The following C2orf69 variants were observed in gnomAD, a reference collection of about 807,000 sequenced individuals.
C2orf69 encodes mitochondrial protein C2orf69.
C2orf69 carries 19 observed loss-of-function variants against 29.5 expected under a neutral mutation model. The ratio of observed to expected loss-of-function variants is 0.65; its 90% CI spans 0.45 to 0.95. C2orf69 has a LOEUF of 0.95. Among genes scored for constraint, C2orf69 ranks in the 40% least tolerant of loss-of-function variants. The pLI is 0.00. For missense variants in C2orf69, 416 were observed against 482.1 expected, an observed-to-expected ratio of 0.86 and a Z score of 1.28; for synonymous variants, 194 against 180.0, an observed-to-expected ratio of 1.08 and a Z score of -0.62.
intron 1 of C2orf69, among the ~76,000 whole-genome samples, chr2:199,915,064 A>G (rs941242856): frequency 6.6e-6 from 1 of 152,204 alleles, no homozygotes; most frequent in Non-Finnish European, 1.5e-5. Flanking sequence ...ACTTGTATAA[A>G]TGAGTATTTT....
chr2:199,916,070 TAAAGG>T (rs1378673578), intron 1 of C2orf69, among the ~76,000 whole-genome samples: 2 of 152,172 alleles, frequency 1.3e-5, no homozygotes, highest in African/African-American at 2.4e-5. Flanking sequence ...GGGTAATTTA[TAAAGG>T]AAAGAGGTCT....
chr2:199,913,449 A>AC (rs1559292456), intron 1 of C2orf69, among the ~76,000 whole-genome samples: 24 of 100,848 alleles, frequency 2.4e-4, no homozygotes, highest in African/African-American at 9.4e-4. Context: ...TATAAAATAT[A>AC]TATTCTATTA....
chr2:199,917,644 T>C (rs2077298293), intron 1 of C2orf69, among the ~76,000 whole-genome samples: 1 of 152,186 alleles, frequency 6.6e-6, no homozygotes, highest in African/African-American at 2.4e-5. Context: ...TCCAAATCAC[T>C]ATCAGCATTT....
rs770710492 is a variant in C2orf69 at position 199,925,137 on chromosome 2, A to G, written c.409A>G (p.Ile137Val). 3.7e-6 allele frequency: 6 copies of G among 1,613,374 alleles called. No homozygotes were observed. Among genetic ancestry groups the G allele is most frequent in the African/African-American group, 2.7e-5 (2 of 75,022 alleles). ...ENWSLENVAT[I>V]LAHRFPNSYI... is the part of the protein sequence containing the mutation. ...CTGGAGTCTAGAAAATGTTGCTACCATTTTAGCCCACCGGTTCCCCAATAG... is the reference window on the plus strand; with the variant it reads ...CTGGAGTCTAGAAAATGTTGCTACCGTTTTAGCCCACCGGTTCCCCAATAG... The change falls in exon 2 of 2, where the codon ATT becomes GTT. Residue 137 changes from isoleucine to valine, a missense_variant. Ile to Val is a conservative substitution (Grantham distance 29, BLOSUM62 3). Around this residue, in one of 4 missense-constraint regions of C2orf69, gnomAD observed 225 missense variants for 307.3 expected, o/e 0.73. Coordinates refer to ENST00000319974, the MANE Select transcript of C2orf69 (RefSeq NM_153689.6). The surrounding 1 kb of genome is among the most constrained non-coding windows in gnomAD (Gnocchi z 4.9).
At chr2:199,915,269 C>T (rs1287919303) in intron 1 of C2orf69, among the ~76,000 whole-genome samples, 1 of 152,078 alleles carries the variant, frequency 6.6e-6, no homozygotes, top group Non-Finnish European at 1.5e-5. Context: ...TATAGACATT[C>T]TATTTTCTTT....
At chr2:199,920,072 C>G (rs1440797194) in intron 1 of C2orf69, among the ~76,000 whole-genome samples, 1 of 152,190 alleles carries the variant, frequency 6.6e-6, no homozygotes, top group Non-Finnish European at 1.5e-5. Context: ...CATGGCCTTT[C>G]ACCCCTTACC....
At chr2:199,922,426 T>C (rs1231450792) in intron 1 of C2orf69, among the ~76,000 whole-genome samples, 2 of 152,150 alleles carry the variant, frequency 1.3e-5, no homozygotes, top group Non-Finnish European at 2.9e-5. Context: ...AATGGTTGCA[T>C]AGTGTACTGG....
In C2orf69 at chr2:199,925,902, A is replaced by T. The variant is rs780368856; in HGVS notation, c.*16A>T. The T allele has an allele frequency of 2.0e-6, 3 of 1,534,770 alleles. No homozygotes were observed. Among genetic ancestry groups the T allele is most frequent in the Non-Finnish European group, 2.7e-6 (3 of 1,114,656 alleles). On this transcript the variant is annotated 3_prime_UTR_variant, in exon 2 of 2. Coordinates refer to ENST00000319974, the MANE Select transcript of C2orf69 (RefSeq NM_153689.6). This position sits in a 1 kb window ranked among gnomAD's most constrained non-coding sequence, Gnocchi z 4.9. Reference sequence around the variant, plus strand: ...AGTATTTTGAGATTACAGGTATATTAATGAACTTGTTCAGTGGAAGAACAT... The same window carrying T: ...AGTATTTTGAGATTACAGGTATATTTATGAACTTGTTCAGTGGAAGAACAT...
Position 199,919,076 on chromosome 2 carries a change from C to T in C2orf69, c.334-5986C>T, listed in dbSNP as rs373862972. On this transcript the variant is annotated intron_variant, in intron 1 of 1. Coordinates refer to ENST00000319974, the MANE Select transcript of C2orf69 (RefSeq NM_153689.6). ...AAGCGATCCTCCTACCTTAGCCTCT[C>T]AAGTAGCTGGGACTTACAGGCATGC... Among the ~76,000 whole-genome samples the T allele has an allele frequency of 2.5e-4, 38 of 152,252 alleles. No individual in the cohort carries two copies. The East Asian group carries it at 3.9e-3, about 16-fold the overall frequency.
intron 1 of C2orf69, among the ~76,000 whole-genome samples, chr2:199,920,673 T>G (rs1380985315): frequency 6.6e-6 from 1 of 151,940 alleles, no homozygotes; most frequent in Non-Finnish European, 1.5e-5. Flanking sequence ...AGTCAAATGA[T>G]GGGCCAGGCG....
chr2:199,918,592 C>T (rs1394511130), intron 1 of C2orf69, among the ~76,000 whole-genome samples: 1 of 152,076 alleles, frequency 6.6e-6, no homozygotes, highest in Admixed American at 6.5e-5. Context: ...GAACTCCTGA[C>T]CTCAAGTGAT....
chr2:199,911,596 A>G lies in C2orf69; in HGVS notation c.158A>G (p.Gln53Arg). 1.3e-6 allele frequency: 2 copies of G among 1,549,606 alleles called. No individual in the cohort carries two copies. Among genetic ancestry groups the G allele is most frequent in the Non-Finnish European group, 1.7e-6 (2 of 1,146,590 alleles). ...CSLSAEVRRRQCLQLSTVPGA... is the reference protein window; with the variant it reads ...CSLSAEVRRRRCLQLSTVPGA... ...CTCTCGGCCGAGGTGCGCCGCCGTC[A>G]GTGCCTGCAGCTTTCCACCGTGCCT... The change falls in exon 1 of 2, where the codon CAG (glutamine) becomes CGG (arginine). Residue 53 changes from glutamine to arginine, a missense_variant. This residue lies in a region of C2orf69 where 175 missense variants were observed against 139.9 expected (regional missense o/e 1.25). Transcript: ENST00000319974.
At position 199,927,970 on chromosome 2, in the gene C2orf69, G is replaced by A. The variant is rs1271840685; in HGVS notation, c.*2084G>A. On this transcript the variant is annotated 3_prime_UTR_variant, in exon 2 of 2. Coordinates refer to ENST00000319974, the MANE Select transcript of C2orf69 (RefSeq NM_153689.6). Reference sequence around the variant, plus strand: ...AATTATAATTGTTACATGTTGAATGGGTATTAAGAGTAAGTCACCAGGTAC... The same window carrying A: ...AATTATAATTGTTACATGTTGAATGAGTATTAAGAGTAAGTCACCAGGTAC... 1 of 151,908 alleles carries A rather than the reference G, an allele frequency of 6.6e-6. No individual in the cohort carries two copies. The highest frequency in any genetic ancestry group is 1.5e-5 in the Non-Finnish European group (1 of 67,934). 9.4% of individuals were successfully genotyped at this position (151,908 alleles called of 1,614,324 possible).
In C2orf69 at chr2:199,911,732, GC is replaced by G. The variant is rs2077262520; in HGVS notation, c.298del (p.Gln100SerfsTer18). The G allele has an allele frequency of 1.3e-6, 2 of 1,541,880 alleles. No homozygotes were observed. The highest frequency in any genetic ancestry group is 3.3e-4 in the Middle Eastern group (2 of 5,976). On this transcript the variant is annotated frameshift_variant, in exon 1 of 2. Transcript: ENST00000319974. LOFTEE classifies it high-confidence loss of function. ...CAGCGAAGGAGGAGCCGCAGCCGCC[GC>G]CCCAGCATCACGTCCTCTATTTCCC... ...DPAKEEPQPP[P>X]QHHVLYFPGD...
chr2:199,913,057 A>T (rs575227713), intron 1 of C2orf69, among the ~76,000 whole-genome samples: 30 of 147,368 alleles, frequency 2.0e-4, no homozygotes, highest in Non-Finnish European at 3.4e-4. Context: ...ATAGATATAG[A>T]TATATAGATA....
In C2orf69 at chr2:199,911,750, C is replaced by T. The variant is rs528160849; in HGVS notation, c.312C>T (p.Leu104=). The change falls in exon 1 of 2, where the codon CTC becomes CTT. Residue 104 remains leucine (L), a synonymous_variant. Coordinates refer to ENST00000319974, the MANE Select transcript of C2orf69 (RefSeq NM_153689.6). ...EPQPPPQHHV[L]YFPGDVQNYH... ...AGCCGCCGCCCCAGCATCACGTCCT[C>T]TATTTCCCTGGGGATGTGCAGGTAA... 7 of 1,540,034 alleles carry T rather than the reference C, an allele frequency of 4.5e-6. No individual in the cohort carries two copies. In the African/African-American group the frequency reaches 6.8e-5, roughly 15 times the overall value.
chr2:199,926,087 GTTAGAA>G lies in C2orf69; in HGVS notation c.*206_*211del, dbSNP rs372437841. 4 of 507,926 alleles carry G rather than the reference GTTAGAA, an allele frequency of 7.9e-6. No individual in the cohort carries two copies. In the East Asian group the frequency reaches 8.8e-5, roughly 11 times the overall value. 31.5% of individuals were successfully genotyped at this position (507,926 alleles called of 1,614,324 possible). On this transcript the variant is annotated 3_prime_UTR_variant, in exon 2 of 2. Coordinates refer to ENST00000319974, the MANE Select transcript of C2orf69 (RefSeq NM_153689.6). ...GTGAGCAGTTATTAATTTGGATTGAGTTAGAATTAGTTAATTTGAAATCTAACAAGG... is the reference window on the plus strand; with the variant it reads ...GTGAGCAGTTATTAATTTGGATTGAGTTAGTTAATTTGAAATCTAACAAGG...
At position 199,911,320 on chromosome 2, in the gene C2orf69, T is replaced by G. The variant is rs534654554; in HGVS notation, c.-119T>G. The stretch of plus-strand genomic sequence containing the variant: ...CTGACGTCGTCGCCTCAGCGCCGGC[T>G]CCCGGCCGGGCCGCGGCCGCCGACC... On this transcript the variant is annotated 5_prime_UTR_variant, in exon 1 of 2. Coordinates refer to ENST00000319974, the MANE Select transcript of C2orf69 (RefSeq NM_153689.6). The G allele has an allele frequency of 1.2e-4, 148 of 1,252,106 alleles. 1 individual carries two copies. The African/African-American group carries it at 2.1e-3, about 18-fold the overall frequency. 77.6% of individuals were successfully genotyped at this position (1,252,106 alleles called of 1,614,324 possible). A position where few individuals can be genotyped will look rare whatever the true frequency, so the allele number is the denominator to read the frequency against.
intron 1 of C2orf69, among the ~76,000 whole-genome samples, chr2:199,917,646 T>C (rs1301082940): frequency 6.6e-6 from 1 of 152,170 alleles, no homozygotes; most frequent in Non-Finnish European, 1.5e-5. Context: ...CAAATCACTA[T>C]CAGCATTTTG....
Sources: allele counts gnomAD v4.1 joint callset (sites outside exome capture counted in the v4.1 genomes callset), GRCh38; gene constraint gnomAD v4.1.1; regional missense constraint gnomAD v4.1.1; non-coding constraint Gnocchi (gnomAD v3.1); transcripts MANE v1.5; gene names NCBI Gene and HGNC (gene_info 2026-07-23, HGNC 2026-07-21).